NGLY1: variants seen among roughly 807,000 people sequenced by gnomAD.
NGLY1 encodes peptide-N(4)-(N-acetyl-beta-glucosaminyl)asparagine amidase.
In NGLY1, 68 loss-of-function variants were observed where a neutral mutation model predicts 84.6. The ratio of observed to expected loss-of-function variants is 0.80; its 90% CI spans 0.66 to 0.98. NGLY1 has a LOEUF of 0.98. Ranked by LOEUF, NGLY1 falls within the 50% of genes least tolerant of loss-of-function variation. The probability of loss-of-function intolerance (pLI) is 0.00; values close to 1 mark genes in which losing one functional copy is unlikely to be tolerated. For missense variants in NGLY1, 779 were observed against 770.2 expected, an observed-to-expected ratio of 1.01 and a Z score of -0.14; for synonymous variants, 280 against 275.2, an observed-to-expected ratio of 1.02 and a Z score of -0.17.
intron 2 of NGLY1, among the ~76,000 whole-genome samples, chr3:25,768,127 A>G (rs1575655110): frequency 6.7e-6 from 1 of 148,308 alleles, no homozygotes; most frequent in Non-Finnish European, 1.5e-5. Flanking sequence ...AAAAAAAAAA[A>G]AAAAAAAAAG....
intron 2 of NGLY1, among the ~76,000 whole-genome samples, chr3:25,770,030 T>C (rs1707816834): frequency 6.6e-6 from 1 of 152,048 alleles, no homozygotes; most frequent in Admixed American, 6.5e-5. Context: ...AGTGAGAACA[T>C]ATAATGTTTG....
chr3:25,722,635 C>T (rs1328733738), intron 10 of NGLY1, among the ~76,000 whole-genome samples: 2 of 152,198 alleles, frequency 1.3e-5, no homozygotes, highest in Non-Finnish European at 2.9e-5. Context: ...GTATAGCCAA[C>T]TGTTATTTGT....
intron 10 of NGLY1, among the ~76,000 whole-genome samples, chr3:25,722,112 G>C (rs1291612584): frequency 6.6e-6 from 1 of 151,864 alleles, no homozygotes; most frequent in East Asian, 1.9e-4. Flanking sequence ...CAGCTACTCG[G>C]GAGGCTGATA....
chr3:25,733,483 G>A (rs967980215), intron 8 of NGLY1, among the ~76,000 whole-genome samples: 23 of 147,248 alleles, frequency 1.6e-4, no homozygotes, highest in Admixed American at 5.4e-4. Context: ...GTGTGTGTGT[G>A]TGTGTGTGTG....
chr3:25,764,455 T>C, intron 2 of NGLY1, 144 bp from the exon 3 acceptor site: 1 of 900,752 alleles, frequency 1.1e-6, no homozygotes, highest in East Asian at 2.6e-5. Context: ...CCATTATGGT[T>C]CTTTTTAAAT....
At chr3:25,736,264 T>A in intron 6 of NGLY1, 115 bp from the exon 7 acceptor site, 2 of 1,551,020 alleles carry the variant, frequency 1.3e-6, no homozygotes, top group South Asian at 1.2e-5. Context: ...TATTCTGAAT[T>A]TCAGTTAATA....
Position 25,783,229 on chromosome 3 carries a change from G to C in NGLY1, c.131+31C>G, listed in dbSNP as rs1186993506. On this transcript the variant is annotated intron_variant, in intron 1 of 11. Coordinates refer to ENST00000280700, the MANE Select transcript of NGLY1 (RefSeq NM_018297.4). This position sits in a 1 kb window ranked among gnomAD's most constrained non-coding sequence, Gnocchi z 4.5. ...AAGGTGCCGCGGCCCACCCACCCCGGTACCCGCCGTCCGACCCCGTTGCCC... is the reference window on the plus strand; with the variant it reads ...AAGGTGCCGCGGCCCACCCACCCCGCTACCCGCCGTCCGACCCCGTTGCCC... The C allele has an allele frequency of 1.9e-6, 3 of 1,593,472 alleles. No homozygotes were observed. Among genetic ancestry groups the C allele is most frequent in the Non-Finnish European group, 2.6e-6 (3 of 1,165,818 alleles).
At chr3:25,768,779 T>C (rs1160715419) in intron 2 of NGLY1, among the ~76,000 whole-genome samples, 1 of 151,756 alleles carries the variant, frequency 6.6e-6, no homozygotes, top group Non-Finnish European at 1.5e-5. Flanking sequence ...CCTGACCTCA[T>C]GATCCGCCCA....
At chr3:25,742,137 C>T (rs1706178586) in intron 4 of NGLY1, among the ~76,000 whole-genome samples, 1 of 152,154 alleles carries the variant, frequency 6.6e-6, no homozygotes, top group African/African-American at 2.4e-5. Context: ...TTCTTAGACA[C>T]TTCTAGTATA....
At chr3:25,775,544 A>T (rs1383413626) in intron 2 of NGLY1, among the ~76,000 whole-genome samples, 1 of 152,232 alleles carries the variant, frequency 6.6e-6, no homozygotes, top group East Asian at 1.9e-4. Flanking sequence ...GAATTCAGAA[A>T]GACAAATAAC....
Position 25,789,879 on chromosome 3 carries a change from G to C in NGLY1, c.-14C>G, listed in dbSNP as rs1385144072. On this transcript the variant is annotated 5_prime_UTR_variant, in exon 1 of 12. Coordinates refer to the NGLY1 transcript ENST00000417874. Reference sequence around the variant, plus strand: ...ATGCTACCTCATCGCGTTATTGGCAGGTCCTCGATTATCGGCGAGTCACTG... The same window carrying C: ...ATGCTACCTCATCGCGTTATTGGCACGTCCTCGATTATCGGCGAGTCACTG... 2.6e-6 allele frequency: 4 copies of C among 1,551,738 alleles called. No homozygotes were observed. In the South Asian group the frequency reaches 4.8e-5, roughly 18 times the overall value.
chr3:25,725,868 TAAAC>T (rs1412286576), intron 10 of NGLY1, among the ~76,000 whole-genome samples: 4 of 152,320 alleles, frequency 2.6e-5, no homozygotes, highest in African/African-American at 9.6e-5. Context: ...CTCAGTATCA[TAAAC>T]AAACACATAC....
intron 9 of NGLY1, 78 bp downstream of exon 9, chr3:25,732,241 T>C (rs1705572218): frequency 1.5e-6 from 2 of 1,318,806 alleles, no homozygotes; most frequent in Non-Finnish European, 2.1e-6. Flanking sequence ...GTCAATGCAG[T>C]TGGAGGATAG....
At chr3:25,729,041 G>T (rs1234716264) in intron 10 of NGLY1, 92 bp downstream of exon 10, 2 of 882,130 alleles carry the variant, frequency 2.3e-6, no homozygotes, top group East Asian at 5.9e-5. Flanking sequence ...TGATATATCA[G>T]TTTTCATATT....
rs1355647613 is a variant in NGLY1, at chr3:25,729,203, A to G, written c.1541T>C (p.Ile514Thr). 1.3e-6 allele frequency: 2 copies of G among 1,565,792 alleles called. No homozygotes were observed. Among genetic ancestry groups the G allele is most frequent in the South Asian group, 1.2e-5 (1 of 83,426 alleles). The change falls in exon 10 of 12, where the codon ATT (isoleucine) becomes ACT (threonine). Residue 514 changes from isoleucine (I) to threonine (T), a missense_variant. Coordinates refer to ENST00000280700, the MANE Select transcript of NGLY1 (RefSeq NM_018297.4). ...YVRVSNNNQT[I>T]SGWENGVWKM... ...CCACACGCCATTCTCCCATCCAGAA[A>G]TGGTTTGATTGTTATTTGAAACTCG...
chr3:25,778,579 C>T lies in NGLY1; in HGVS notation c.241G>A (p.Glu81Lys), dbSNP rs1708257659. The change falls in exon 2 of 12, where the codon GAA becomes AAA. Residue 81 changes from glutamate to lysine, a missense_variant. Transcript: ENST00000280700. ...AVECLFEMGF[E>K]EGETHLIFPK... ...AAATCCTTGAACATACTTACCTCTT[C>T]AAAGCCCATTTCAAATAAACATTCA... 6.2e-7 allele frequency: 1 copy of T among 1,601,822 alleles called. No homozygotes were observed. Among genetic ancestry groups the T allele is most frequent in the Non-Finnish European group, 8.5e-7 (1 of 1,172,428 alleles).
At chr3:25,744,186 T>C (rs1706301030) in intron 4 of NGLY1, among the ~76,000 whole-genome samples, 1 of 152,214 alleles carries the variant, frequency 6.6e-6, no homozygotes, top group African/African-American at 2.4e-5. Flanking sequence ...AAAACATCAG[T>C]AGAGGTAGCC....
intron 10 of NGLY1, among the ~76,000 whole-genome samples, chr3:25,724,923 T>C (rs1705177770): frequency 1.3e-5 from 2 of 152,338 alleles, no homozygotes; most frequent in Non-Finnish European, 1.5e-5. Flanking sequence ...ATAACTCCCA[T>C]AGCCTTTATT....
At chr3:25,773,787 G>T (rs1471031291) in intron 2 of NGLY1, among the ~76,000 whole-genome samples, 1 of 152,212 alleles carries the variant, frequency 6.6e-6, no homozygotes, top group Non-Finnish European at 1.5e-5. Context: ...CTGCTGTTCA[G>T]ATTCTTTGGC....
Sources: gnomAD v4.1 joint callset for allele counts (sites outside exome capture counted in the v4.1 genomes callset) on GRCh38, gnomAD v4.1.1 for gene constraint, Gnocchi (gnomAD v3.1) non-coding constraint, MANE v1.5 for transcripts, NCBI Gene and HGNC (gene_info 2026-07-23, HGNC 2026-07-21) for gene names.